The following CPSF3 variants were observed in gnomAD, a reference collection of about 807,000 sequenced individuals.
The protein encoded by CPSF3 is cleavage and polyadenylation specificity factor subunit 3.
CPSF3 carries 57 observed loss-of-function variants against 84.1 expected under a neutral mutation model. That is an observed-to-expected ratio of 0.68 (90% CI 0.55 to 0.85). CPSF3 has a LOEUF of 0.85. Among genes scored for constraint, CPSF3 ranks in the 40% least tolerant of loss-of-function variants. The probability of loss-of-function intolerance (pLI) is 0.00; values close to 1 mark genes in which losing one functional copy is unlikely to be tolerated. For missense variants in CPSF3, 522 were observed against 838.8 expected, an observed-to-expected ratio of 0.62 and a Z score of 4.66; for synonymous variants, 275 against 278.1, an observed-to-expected ratio of 0.99 and a Z score of 0.11.
chr2:9,435,721 T>TTTG (rs1283947673), intron 6 of CPSF3, among the ~76,000 whole-genome samples: 1 of 151,042 alleles, frequency 6.6e-6, no homozygotes, highest in East Asian at 1.9e-4. Context: ...CCGGCCTCTT[T>TTTG]TTGTTGTTGT....
At chr2:9,458,902 C>T (rs1470254346) in intron 14 of CPSF3, among the ~76,000 whole-genome samples, 1 of 151,958 alleles carries the variant, frequency 6.6e-6, no homozygotes, top group Non-Finnish European at 1.5e-5. Context: ...CACCTGAGGT[C>T]GGGAGTTAGA....
chr2:9,432,892 GA>G (rs906979879), intron 5 of CPSF3, among the ~76,000 whole-genome samples: 4 of 151,550 alleles, frequency 2.6e-5, no homozygotes, highest in Non-Finnish European at 5.9e-5. Flanking sequence ...CAAGACTGAG[GA>G]AAAAAAAATT....
intron 11 of CPSF3, among the ~76,000 whole-genome samples, chr2:9,449,749 T>TA (rs750427679): frequency 1.3e-5 from 2 of 151,828 alleles, no homozygotes; most frequent in African/African-American, 2.4e-5. Context: ...CTCAAAAAAA[T>TA]AAAAAAAGAA....
At chr2:9,442,011 A>T (rs749470331) in intron 9 of CPSF3, 35 bp downstream of exon 9, 1 of 1,600,236 alleles carries the variant, frequency 6.2e-7, no homozygotes, top group Non-Finnish European at 8.6e-7. Flanking sequence ...TGTTATTCCT[A>T]TTCAGAATCA....
intron 1 of CPSF3, chr2:9,424,365 G>A (rs986539128): frequency 2.9e-6 from 2 of 689,758 alleles, no homozygotes; most frequent in East Asian, 2.6e-4. Flanking sequence ...TGTAAAGCTG[G>A]AGAAGAGAAA....
At chr2:9,466,382 GCACA>G (rs1491400932) in intron 15 of CPSF3, among the ~76,000 whole-genome samples, 3 of 70,668 alleles carry the variant, frequency 4.2e-5, no homozygotes, top group Non-Finnish European at 8.3e-5. Context: ...CCACGCACTC[GCACA>G]CACGCGCACA....
intron 1 of CPSF3, 66 bp downstream of exon 1, chr2:9,423,889 C>G (rs990732985): frequency 2.2e-5 from 35 of 1,584,790 alleles, no homozygotes; most frequent in Non-Finnish European, 2.7e-5. Flanking sequence ...TAACCGGAGA[C>G]TGGCCTCCTC....
chr2:9,432,650 G>C lies in CPSF3; in HGVS notation c.481G>C (p.Gly161Arg), dbSNP rs1458738423. Residue 161 changes from glycine to arginine, a missense_variant, in exon 5 of 18, where the codon GGA (glycine) becomes CGA (arginine). By Grantham distance (125) the Gly-to-Arg change is moderately radical. Transcript: ENST00000238112. The stretch of plus-strand genomic sequence containing the variant: ...GTGTTACCATGCAGGTCACGTCCTA[G>C]GAGCCGCCATGTTCATGATTGAGAT... ...FWCYHAGHVLGAAMFMIEIAG... is the reference protein window; with the variant it reads ...FWCYHAGHVLRAAMFMIEIAG... 4 of 1,563,924 alleles carry C rather than the reference G, an allele frequency of 2.6e-6. No individual in the cohort carries two copies. In the Admixed American group the frequency reaches 6.7e-5, roughly 26 times the overall value.
intron 12 of CPSF3, among the ~76,000 whole-genome samples, 173 bp from the exon 13 acceptor site, chr2:9,455,486 G>A (rs1162189457): frequency 6.6e-6 from 1 of 152,170 alleles, no homozygotes; most frequent in Non-Finnish European, 1.5e-5. Flanking sequence ...GGAGAGGTAG[G>A]GACATAGGGA....
intron 10 of CPSF3, 49 bp from the exon 11 acceptor site, chr2:9,448,149 T>A: frequency 2.7e-6 from 3 of 1,097,368 alleles, no homozygotes; most frequent in Non-Finnish European, 3.9e-6. Flanking sequence ...GGACCATGAT[T>A]AAGCTGAATG....
At chr2:9,453,413 A>G (rs759138988) in intron 12 of CPSF3, among the ~76,000 whole-genome samples, 3 of 152,180 alleles carry the variant, frequency 2.0e-5, no homozygotes, top group Non-Finnish European at 4.4e-5. Context: ...GGGCCTTTGT[A>G]TTCCTTCACC....
In CPSF3 at chr2:9,441,921, A is replaced by G. The variant is rs1406257708; in HGVS notation, c.1040A>G (p.Asp347Gly). The part of the protein sequence containing the change: ...SRELFESWCT[D>G]KRNGVIIAGY... Reference sequence around the variant, plus strand: ...GAATTATTTGAAAGCTGGTGTACTGATAAGAGGAATGGTGTCATTATAGCG... The same window carrying G: ...GAATTATTTGAAAGCTGGTGTACTGGTAAGAGGAATGGTGTCATTATAGCG... Residue 347 changes from aspartate (D) to glycine (G), a missense_variant, in exon 9 of 18, where the codon GAT (aspartate) becomes GGT (glycine). Asp to Gly is a moderately conservative substitution (Grantham distance 94, BLOSUM62 -1). Around this residue, in one of 2 missense-constraint regions of CPSF3, gnomAD observed 329 missense variants for 607.2 expected, o/e 0.54. Coordinates refer to ENST00000238112, the MANE Select transcript of CPSF3 (RefSeq NM_016207.4). The G allele has an allele frequency of 4.3e-6, 7 of 1,614,052 alleles. No individual in the cohort carries two copies. The South Asian group carries it at 7.7e-5, about 18-fold the overall frequency.
chr2:9,431,375 T>C (rs1459437074), intron 4 of CPSF3, among the ~76,000 whole-genome samples: 1 of 152,192 alleles, frequency 6.6e-6, no homozygotes, highest in African/African-American at 2.4e-5. Flanking sequence ...TATAGCTTTT[T>C]GTGTCCTTTT....
chr2:9,459,741 C>T, intron 15 of CPSF3, 123 bp downstream of exon 15: 3 of 540,812 alleles, frequency 5.5e-6, no homozygotes, highest in East Asian at 3.4e-5. Flanking sequence ...CCTCCACTTC[C>T]CAGGTTCAAG....
chr2:9,461,686 T>C (rs986706174), intron 15 of CPSF3, among the ~76,000 whole-genome samples: 1 of 151,782 alleles, frequency 6.6e-6, no homozygotes. Context: ...AAAAATTGTT[T>C]TTGTCTTACT....
chr2:9,426,289 G>A (rs1043786671), intron 1 of CPSF3, among the ~76,000 whole-genome samples: 2 of 152,186 alleles, frequency 1.3e-5, no homozygotes, highest in African/African-American at 4.8e-5. Flanking sequence ...AGGTAGTCAA[G>A]GGAAAGCATC....
intron 5 of CPSF3, 111 bp from the exon 6 acceptor site, chr2:9,433,760 T>G (rs2148937159): frequency 1.1e-5 from 8 of 712,918 alleles, no homozygotes; most frequent in Non-Finnish European, 2.0e-5. Flanking sequence ...TTTCATCAGT[T>G]TTAGACTTAA....
rs924068974 is a variant in CPSF3, at chr2:9,471,389, C to G, written c.1903C>G (p.Leu635Val). The change falls in exon 17 of 18, where the codon CTT becomes GTT. Residue 635 changes from leucine (L) to valine (V), a missense_variant. Coordinates refer to ENST00000238112, the MANE Select transcript of CPSF3 (RefSeq NM_016207.4). ...DCVSVKDDSI[L>V]SVTVDGKTAN... ...TGTAAGTGTAAAGGATGACTCTATT[C>G]TTAGCGTCACAGTGGACGGGAAAAC... 1.2e-6 allele frequency: 2 copies of G among 1,612,594 alleles called. No homozygotes were observed. The highest frequency in any genetic ancestry group is 1.6e-4 in the Middle Eastern group (1 of 6,080).
intron 10 of CPSF3, among the ~76,000 whole-genome samples, chr2:9,444,345 C>T (rs1349776155): frequency 6.6e-6 from 1 of 151,608 alleles, no homozygotes; most frequent in Non-Finnish European, 1.5e-5. Context: ...CCGGGCTGGT[C>T]TTGAACTCCT....
Sources: gnomAD v4.1 joint callset for allele counts (sites outside exome capture counted in the v4.1 genomes callset) on GRCh38, gnomAD v4.1.1 for gene constraint, gnomAD v4.1.1 regional missense constraint, MANE v1.5 for transcripts, NCBI Gene and HGNC (gene_info 2026-07-23, HGNC 2026-07-21) for gene names.